ANKRD17: variants seen among roughly 807,000 people sequenced by gnomAD.
The protein encoded by ANKRD17 is ankyrin repeat domain 17, also known as ankyrin repeat domain-containing protein 17.
Under a neutral mutation model 229.7 loss-of-function variants are expected in ANKRD17, and 19 were observed. That is an observed-to-expected ratio of 0.08 (90% CI 0.06 to 0.12). The LOEUF (loss-of-function observed/expected upper bound fraction) is 0.12, where lower values mean the gene tolerates loss of function less well. Among genes scored for constraint, ANKRD17 ranks in the 10% least tolerant of loss-of-function variants. ANKRD17 has a pLI of 1.00. For missense variants in ANKRD17, 2,176 were observed against 3,176.8 expected, an observed-to-expected ratio of 0.68 and a Z score of 7.57; for synonymous variants, 1,112 against 1,146.1, an observed-to-expected ratio of 0.97 and a Z score of 0.60.
At chr4:73,097,990 A>G (rs562140663) in intron 26 of ANKRD17, 83 bp downstream of exon 26, 2 of 1,370,706 alleles carry the variant, frequency 1.5e-6, no homozygotes, top group African/African-American at 2.9e-5. Flanking sequence ...CAAGTTGCAA[A>G]TTTACTTTCT....
At chr4:73,190,602 C>T (rs1736940453) in intron 1 of ANKRD17, among the ~76,000 whole-genome samples, 1 of 142,464 alleles carries the variant, frequency 7.0e-6, no homozygotes, top group Non-Finnish European at 1.5e-5. Flanking sequence ...GGTGTAAACA[C>T]ATACAGAAAA....
At chr4:73,140,979 A>G (rs1219965969) in intron 14 of ANKRD17, among the ~76,000 whole-genome samples, 4 of 152,234 alleles carry the variant, frequency 2.6e-5, no homozygotes, top group East Asian at 1.9e-4. Context: ...AGATCTGGCT[A>G]TAGGTATAGC....
intron 29 of ANKRD17, 93 bp downstream of exon 29, chr4:73,090,574 G>A (rs959142022): frequency 2.1e-5 from 31 of 1,482,628 alleles, no homozygotes; most frequent in South Asian, 7.3e-5. Context: ...TGTCTATATC[G>A]TCCAGAGAAT....
intron 1 of ANKRD17, among the ~76,000 whole-genome samples, chr4:73,180,500 TA>T (rs1735408046): frequency 6.6e-6 from 1 of 152,142 alleles, no homozygotes; most frequent in Non-Finnish European, 1.5e-5. Flanking sequence ...TGAGATATAA[TA>T]AACACAGAAA....
intron 1 of ANKRD17, among the ~76,000 whole-genome samples, chr4:73,224,512 C>T (rs766981626): frequency 7.9e-5 from 12 of 152,064 alleles, no homozygotes; most frequent in Non-Finnish European, 1.3e-4. Flanking sequence ...ACCTACTACA[C>T]GGTTTCTGGT....
At chr4:73,113,162 T>A (rs1725529803) in intron 24 of ANKRD17, 2 of 1,263,348 alleles carry the variant, frequency 1.6e-6, no homozygotes, top group Admixed American at 2.6e-5. Context: ...TTCCTATGAT[T>A]ACTATTCAGT....
intron 1 of ANKRD17, among the ~76,000 whole-genome samples, chr4:73,228,528 G>A (rs1486362386): frequency 6.6e-6 from 1 of 152,104 alleles, no homozygotes; most frequent in Non-Finnish European, 1.5e-5. Context: ...CATCCTAAGA[G>A]ACACAACCAG....
intron 1 of ANKRD17, among the ~76,000 whole-genome samples, chr4:73,224,567 T>G (rs1052303164): frequency 9.2e-5 from 14 of 152,230 alleles, no homozygotes; most frequent in African/African-American, 3.1e-4. Context: ...ATGATTTCTT[T>G]TTTTAAAAAA....
At position 73,258,405 on chromosome 4, in the gene ANKRD17, G is replaced by T. The variant is rs1349865244; in HGVS notation, c.264C>A (p.Ser88Arg). 6.2e-7 allele frequency: 1 copy of T among 1,610,804 alleles called. No homozygotes were observed. Among genetic ancestry groups the T allele is most frequent in the African/African-American group, 1.3e-5 (1 of 74,662 alleles). ...RTCRPPSSSESSSDSDNSGGG... is the reference protein window; with the variant it reads ...RTCRPPSSSERSSDSDNSGGG... ...CGCCGCTGTTGTCGCTGTCGCTGCT[G>T]CTTTCGCTGCTGCTGGGGGGTCGGC... Residue 88 changes from serine to arginine, a missense_variant, in exon 1 of 34, where the codon AGC (serine) becomes AGA (arginine). Physicochemically the swap from Ser to Arg is moderately radical, Grantham distance 110. This residue lies in a region of ANKRD17 where 196 missense variants were observed against 190.0 expected (regional missense o/e 1.03). Coordinates refer to ENST00000358602, the MANE Select transcript of ANKRD17 (RefSeq NM_032217.5).
At position 73,204,682 on chromosome 4, in the gene ANKRD17, T is replaced by C. The variant is rs558893734; in HGVS notation, c.394-27149A>G. Among the ~76,000 whole-genome samples the C allele has an allele frequency of 1.7e-3, 259 of 152,180 alleles. 1 individual carries two copies. Among genetic ancestry groups the C allele is most frequent in the Middle Eastern group, 3.4e-3 (1 of 294 alleles). ...AAATAATAAGAATCTATTCTGGCGA[T>C]TCACAACATAGGTAGAAATAAGATA... On this transcript the variant is annotated intron_variant, in intron 1 of 33. Transcript: ENST00000358602.
chr4:73,109,066 A>C (rs1240670426), intron 24 of ANKRD17, among the ~76,000 whole-genome samples: 1 of 152,182 alleles, frequency 6.6e-6, no homozygotes, highest in Non-Finnish European at 1.5e-5. Context: ...TTGGGAGGCC[A>C]AGGCGGGCAG....
At chr4:73,090,279 G>A (rs1361618359) in intron 29 of ANKRD17, among the ~76,000 whole-genome samples, 2 of 152,092 alleles carry the variant, frequency 1.3e-5, no homozygotes, top group Non-Finnish European at 2.9e-5. Flanking sequence ...GCATGGTGGT[G>A]CACGTCTGTA....
chr4:73,223,167 C>A (rs1046131530), intron 1 of ANKRD17: 5 of 814,196 alleles, frequency 6.1e-6, no homozygotes, highest in Non-Finnish European at 9.3e-6. Flanking sequence ...ACTAGCCAGG[C>A]ATCTACCAAA....
chr4:73,139,744 T>A lies in ANKRD17; in HGVS notation c.2872A>T (p.Met958Leu). 6.2e-7 allele frequency: 1 copy of A among 1,614,194 alleles called. No homozygotes were observed. The highest frequency in any genetic ancestry group is 1.1e-5 in the South Asian group (1 of 91,080). ...GCCGCCAGAGGCAAAGCTTGAGGCATCGCCAGAGGCTGGATTGGCGCAAAA... is the reference window on the plus strand; with the variant it reads ...GCCGCCAGAGGCAAAGCTTGAGGCAACGCCAGAGGCTGGATTGGCGCAAAA... ...MGFAPIQPLA[M>L]PQALPLAAGP... The change falls in exon 15 of 34, where the codon ATG becomes TTG. Residue 958 changes from methionine (M) to leucine (L), a missense_variant. By Grantham distance (15) the Met-to-Leu change is conservative. This residue lies in a region of ANKRD17 where 230 missense variants were observed against 252.3 expected (regional missense o/e 0.91). Transcript: ENST00000358602.
At chr4:73,148,103 T>C (rs1730527909) in intron 8 of ANKRD17, among the ~76,000 whole-genome samples, 1 of 152,192 alleles carries the variant, frequency 6.6e-6, no homozygotes, top group African/African-American at 2.4e-5. Context: ...AGTGGAGTTA[T>C]GATTCAACCT....
At chr4:73,168,838 T>A (rs1424386336) in intron 2 of ANKRD17, 1 of 152,214 alleles carries the variant, frequency 6.6e-6, no homozygotes, top group Non-Finnish European at 1.5e-5. Flanking sequence ...GTTATGTGGG[T>A]AAACTGCATG....
intron 1 of ANKRD17, among the ~76,000 whole-genome samples, chr4:73,238,388 TAATCTACA>T (rs1743705622): frequency 6.6e-6 from 1 of 152,156 alleles, no homozygotes; most frequent in African/African-American, 2.4e-5. Flanking sequence ...CTGTAAGAGG[TAATCTACA>T]AGGTATGTAT....
At chr4:73,083,816 C>A (rs988876891) in intron 30 of ANKRD17, among the ~76,000 whole-genome samples, 2 of 151,792 alleles carry the variant, frequency 1.3e-5, no homozygotes, top group East Asian at 3.9e-4. Flanking sequence ...CTTTAACTGG[C>A]AATGTACTCT....
intron 1 of ANKRD17, among the ~76,000 whole-genome samples, chr4:73,226,221 T>TAG (rs1318816828): frequency 1.8e-4 from 27 of 151,794 alleles, no homozygotes. Context: ...GTGATCTGCC[T>TAG]GCCTCAGCCA....
Sources: allele counts gnomAD v4.1 joint callset (sites outside exome capture counted in the v4.1 genomes callset), GRCh38; gene constraint gnomAD v4.1.1; regional missense constraint gnomAD v4.1.1; transcripts MANE v1.5; gene names NCBI Gene and HGNC (gene_info 2026-07-23, HGNC 2026-07-21).